Variants in AKT3 observed in about 807,000 individuals in gnomAD.
The protein encoded by AKT3 is RAC-gamma serine/threonine-protein kinase.
A neutral mutation model predicts 65.3 loss-of-function variants in AKT3; 15 were observed. The observed-to-expected ratio is 0.23, with a 90% CI of 0.15 to 0.35. The LOEUF is 0.35. Among genes scored for constraint, AKT3 ranks in the 10% least tolerant of loss-of-function variants. The pLI is 1.00. For synonymous variants in AKT3, 206 were observed against 183.8 expected, an observed-to-expected ratio of 1.12 and a Z score of -0.98; for missense variants, 243 against 576.5, an observed-to-expected ratio of 0.42 and a Z score of 5.92.
rs73120394 is a variant in AKT3 at position 243,524,461 on chromosome 1, C to T, written c.1252-12035G>A. Among the ~76,000 whole-genome samples the T allele has an allele frequency of 6.6e-3, 1,001 of 152,212 alleles. 10 individuals carry two copies. Among genetic ancestry groups the T allele is most frequent in the African/African-American group, 0.023 (963 of 41,502 alleles). ...ATTGTCAAAAGGTAATGAAATTACA[C>T]GTTCTCTAAAAAGAGGTCTGAATTT... On this transcript the variant is annotated intron_variant, in intron 12 of 13. Coordinates refer to ENST00000673466, the MANE Select transcript of AKT3 (RefSeq NM_005465.7).
intron 2 of AKT3, among the ~76,000 whole-genome samples, chr1:243,703,760 C>CAAAAAAAAAAAA (rs370671685): frequency 1.3e-5 from 1 of 78,404 alleles, no homozygotes; most frequent in African/African-American, 5.5e-5. Flanking sequence ...GACTCCATCT[C>CAAAAAAAAAAAA]AAAAAAAAAA....
intron 2 of AKT3, among the ~76,000 whole-genome samples, chr1:243,823,717 A>G (rs1423390670): frequency 6.6e-6 from 1 of 152,142 alleles, no homozygotes; most frequent in Non-Finnish European, 1.5e-5. Context: ...TAACAAGGGA[A>G]GTGAAGGACC....
rs60418621 is a variant in AKT3 at position 243,500,862 on chromosome 1, T to G, written c.*4387A>C. ...TGAAACAGTAGAACTTCTATTCAGATTCAGAAGTTTTTTATTTCATCAAAT... is the reference window on the plus strand; with the variant it reads ...TGAAACAGTAGAACTTCTATTCAGAGTCAGAAGTTTTTTATTTCATCAAAT... On this transcript the variant is annotated 3_prime_UTR_variant, in exon 14 of 14. Coordinates refer to ENST00000673466, the MANE Select transcript of AKT3 (RefSeq NM_005465.7). 6.1e-3 allele frequency: 1,403 copies of G among 228,666 alleles called. 60 individuals are homozygous for G. The East Asian group carries it at 0.075, about 12-fold the overall frequency. The allele number at this position is 228,666 out of a possible 1,614,324, so 14.2% of individuals were successfully genotyped here.
chr1:243,808,087 G>T (rs1250885295), intron 2 of AKT3: 1 of 152,168 alleles, frequency 6.6e-6, no homozygotes, highest in African/African-American at 2.4e-5. Context: ...AGGAAAAAAA[G>T]AGCAGAAAAA....
At chr1:243,802,658 G>A (rs1692448934) in intron 2 of AKT3, among the ~76,000 whole-genome samples, 1 of 152,050 alleles carries the variant, frequency 6.6e-6, no homozygotes, top group South Asian at 2.1e-4. Context: ...CTATTAAATA[G>A]TAGAAATTTA....
At chr1:243,643,457 G>C (rs1236846522) in intron 5 of AKT3, among the ~76,000 whole-genome samples, 2 of 152,134 alleles carry the variant, frequency 1.3e-5, no homozygotes, top group African/African-American at 4.8e-5. Context: ...TGGTAGCTTG[G>C]CTGACCAAGA....
At position 243,675,301 on chromosome 1, in the gene AKT3, G is replaced by A. The variant is rs373512105; in HGVS notation, c.173-10418C>T. On this transcript the variant is annotated intron_variant, in intron 3 of 13. Transcript: ENST00000673466. ...TGCAACCTCTGCCTCCTGGGCTCAC[G>A]CCATTCTCCTGCCTCAGCCTCCTGA... Among the ~76,000 whole-genome samples, 105 of 152,278 alleles carry A rather than the reference G, an allele frequency of 6.9e-4. No homozygotes were observed. The South Asian group carries it at 0.011, about 16-fold the overall frequency.
chr1:243,515,297 G>A (rs1455933602), intron 12 of AKT3, among the ~76,000 whole-genome samples: 2 of 151,474 alleles, frequency 1.3e-5, no homozygotes, highest in Non-Finnish European at 2.9e-5. Flanking sequence ...ATTTATTTAG[G>A]ACAAATACTA....
chr1:243,591,223 A>G (rs1400142800), intron 8 of AKT3, among the ~76,000 whole-genome samples: 1 of 152,206 alleles, frequency 6.6e-6, no homozygotes, highest in Non-Finnish European at 1.5e-5. Context: ...GACCAGATGA[A>G]ACAATCACCA....
At chr1:243,848,383 G>A (rs532177969) in intron 1 of AKT3, among the ~76,000 whole-genome samples, 1 of 152,266 alleles carries the variant, frequency 6.6e-6, no homozygotes, top group East Asian at 1.9e-4. Flanking sequence ...GTAATAAGTT[G>A]CTATTTTAAT....
intron 5 of AKT3, among the ~76,000 whole-genome samples, chr1:243,639,940 A>G (rs1439015189): frequency 2.0e-5 from 3 of 152,202 alleles, no homozygotes; most frequent in African/African-American, 7.2e-5. Context: ...TACCAAAATG[A>G]GAGGAAAACA....
chr1:243,554,358 T>C lies in AKT3; in HGVS notation c.949-1415A>G, dbSNP rs1299474373. Among the ~76,000 whole-genome samples, 7 of 152,174 alleles carry C rather than the reference T, an allele frequency of 4.6e-5. No individual in the cohort carries two copies. The South Asian group carries it at 6.2e-4, about 13-fold the overall frequency. On this transcript the variant is annotated intron_variant, in intron 10 of 13. Coordinates refer to ENST00000673466, the MANE Select transcript of AKT3 (RefSeq NM_005465.7). ...GATATGAACACATGTTTAGATCCTA[T>C]GCTTTTCTAGAAATGTTTTGTAAAT...
intron 2 of AKT3, among the ~76,000 whole-genome samples, chr1:243,816,842 C>T (rs1056298260): frequency 6.6e-6 from 1 of 152,134 alleles, no homozygotes; most frequent in African/African-American, 2.4e-5. Flanking sequence ...TAATAAGGTG[C>T]TATGCTACCA....
intron 8 of AKT3, among the ~76,000 whole-genome samples, chr1:243,608,610 T>A (rs1193010658): frequency 6.6e-6 from 1 of 152,104 alleles, no homozygotes; most frequent in Non-Finnish European, 1.5e-5. Flanking sequence ...CCCCACTGGC[T>A]GAGTCTTGGT....
At chr1:243,553,633 ACTT>A (rs1673218347) in intron 10 of AKT3, among the ~76,000 whole-genome samples, 1 of 152,160 alleles carries the variant, frequency 6.6e-6, no homozygotes, top group African/African-American at 2.4e-5. Context: ...AAAAAAATGG[ACTT>A]AATATCTGTG....
At chr1:243,666,915 A>G (rs1467452223) in intron 3 of AKT3, among the ~76,000 whole-genome samples, 1 of 152,210 alleles carries the variant, frequency 6.6e-6, no homozygotes, top group Non-Finnish European at 1.5e-5. Context: ...AACTAAGAGC[A>G]TCCAGAAAAA....
intron 4 of AKT3, among the ~76,000 whole-genome samples, chr1:243,658,145 C>T (rs1681967776): frequency 1.3e-5 from 2 of 152,046 alleles, no homozygotes; most frequent in Admixed American, 6.6e-5. Context: ...GCACAGCAAA[C>T]AACAGAACAA....
intron 2 of AKT3, among the ~76,000 whole-genome samples, chr1:243,832,931 T>C (rs972044839): frequency 3.9e-5 from 6 of 152,178 alleles, no homozygotes; most frequent in African/African-American, 1.4e-4. Context: ...AACATCATTA[T>C]ATGGCTGTAT....
At chr1:243,715,239 T>C (rs897375684) in intron 2 of AKT3, among the ~76,000 whole-genome samples, 6 of 152,076 alleles carry the variant, frequency 3.9e-5, no homozygotes, top group African/African-American at 1.4e-4. Context: ...GTACCACTAA[T>C]AATTTTCTAC....
Sources: allele counts gnomAD v4.1 joint callset (sites outside exome capture counted in the v4.1 genomes callset), GRCh38; gene constraint gnomAD v4.1.1; transcripts MANE v1.5; gene names NCBI Gene and HGNC (gene_info 2026-07-23, HGNC 2026-07-21).